ZFYVE9: variants seen among roughly 807,000 people sequenced by gnomAD.
The protein encoded by ZFYVE9 is zinc finger FYVE-type containing 9.
Under a neutral mutation model 126.7 loss-of-function variants are expected in ZFYVE9, and 43 were observed. That is an observed-to-expected ratio of 0.34 (90% CI 0.27 to 0.44). ZFYVE9 has a LOEUF of 0.44. Ranked by LOEUF, ZFYVE9 falls within the 20% of genes least tolerant of loss-of-function variation. The probability of loss-of-function intolerance (pLI) is 1.00; values close to 1 mark genes in which losing one functional copy is unlikely to be tolerated. For synonymous variants in ZFYVE9, 521 were observed against 597.4 expected (o/e 0.87, Z 1.87); for missense variants, 1,476 against 1,697.0 (o/e 0.87, Z 2.29).
At chr1:52,345,636 C>G (rs1646476525) in intron 18 of ZFYVE9, 1 of 155,750 alleles carries the variant, frequency 6.4e-6, no homozygotes, top group African/African-American at 2.4e-5. Context: ...TCTTTGGATC[C>G]CTGCATTTGT....
chr1:52,182,415 T>A (rs1408723548), intron 1 of ZFYVE9, among the ~76,000 whole-genome samples: 1 of 152,056 alleles, frequency 6.6e-6, no homozygotes, highest in Non-Finnish European at 1.5e-5. Flanking sequence ...AGAAAAATTC[T>A]TCTGCCTTGG....
chr1:52,339,013 G>GA (rs560148411), intron 16 of ZFYVE9, among the ~76,000 whole-genome samples: 27 of 148,128 alleles, frequency 1.8e-4, no homozygotes, highest in Non-Finnish European at 2.4e-4. Flanking sequence ...TCTGTCTCAA[G>GA]AAAAAAAAAA....
chr1:52,188,961 G>A (rs1382524296), intron 1 of ZFYVE9, among the ~76,000 whole-genome samples: 1 of 151,804 alleles, frequency 6.6e-6, no homozygotes, highest in Non-Finnish European at 1.5e-5. Context: ...ATTTTGAGAT[G>A]GAGTCTTGCT....
At chr1:52,253,997 A>G in intron 4 of ZFYVE9, 2 of 787,152 alleles carry the variant, frequency 2.5e-6, no homozygotes, top group East Asian at 4.9e-5. Context: ...CCCTTAACTG[A>G]TAATCATAGG....
chr1:52,263,730 C>A, intron 4 of ZFYVE9, 43 bp from the exon 5 acceptor site: 1 of 1,150,766 alleles, frequency 8.7e-7, no homozygotes, highest in East Asian at 2.5e-5. Flanking sequence ...GCATGGCAAT[C>A]CCAAGTAAAT....
intron 1 of ZFYVE9, among the ~76,000 whole-genome samples, chr1:52,177,821 A>T (rs1317138251): frequency 1.3e-5 from 2 of 152,206 alleles, no homozygotes; most frequent in East Asian, 3.8e-4. Flanking sequence ...TAATTGGGGA[A>T]CTGCAAATAG....
In ZFYVE9 at chr1:52,213,884, T is replaced by G. The variant is rs868339132; in HGVS notation, c.-142-2485T>G. Reference sequence around the variant, plus strand: ...CAGCACCTTAGAGAGATTTGTGATATAGAGACTCCAAGGTTCTCTAAGGGC... The same window carrying G: ...CAGCACCTTAGAGAGATTTGTGATAGAGAGACTCCAAGGTTCTCTAAGGGC... On this transcript the variant is annotated intron_variant, in intron 1 of 18. Transcript: ENST00000287727. 9.9e-5 allele frequency among the ~76,000 whole-genome samples: 15 copies of G among 152,092 alleles called. No individual in the cohort carries two copies. In the South Asian group the frequency reaches 2.7e-3, roughly 27 times the overall value.
intron 10 of ZFYVE9, among the ~76,000 whole-genome samples, chr1:52,286,269 T>C (rs1645858135): frequency 6.6e-6 from 1 of 152,208 alleles, no homozygotes; most frequent in Admixed American, 6.5e-5. Context: ...CCTTGAATAC[T>C]GTATTACTAG....
chr1:52,311,073 C>T (rs988070084), intron 13 of ZFYVE9, among the ~76,000 whole-genome samples: 2 of 151,994 alleles, frequency 1.3e-5, no homozygotes, highest in Non-Finnish European at 2.9e-5. Flanking sequence ...ACTGCGTTGC[C>T]CAGGTTGGTC....
chr1:52,252,352 T>C (rs887664898), intron 4 of ZFYVE9: 1 of 137,292 alleles, frequency 7.3e-6, no homozygotes, highest in African/African-American at 2.8e-5. Context: ...TTTTTTTGTT[T>C]TGTTTTGTTT....
chr1:52,336,716 T>G (rs887155703), intron 15 of ZFYVE9, among the ~76,000 whole-genome samples: 2 of 152,120 alleles, frequency 1.3e-5, no homozygotes, highest in African/African-American at 4.8e-5. Context: ...AAAGCCTATA[T>G]GATGAAGTGT....
chr1:52,334,851 GTC>G, intron 15 of ZFYVE9, 83 bp downstream of exon 15: 1 of 1,358,752 alleles, frequency 7.4e-7, no homozygotes, highest in Non-Finnish European at 1.0e-6. Context: ...TGCTGTAGAT[GTC>G]TGACTCCTAC....
intron 13 of ZFYVE9, among the ~76,000 whole-genome samples, chr1:52,327,183 G>A (rs78210563): frequency 0.027 from 4,149 of 152,012 alleles, 131 homozygotes; most frequent in African/African-American, 0.077. Context: ...CAAAAATACT[G>A]TTGGTCTTGC....
At chr1:52,293,424 A>G (rs1384737169) in intron 10 of ZFYVE9, 29 bp from the exon 11 acceptor site, 6 of 1,527,354 alleles carry the variant, frequency 3.9e-6, no homozygotes, top group Non-Finnish European at 1.8e-6. Context: ...TATTGATACA[A>G]AGTAGCTAAT....
chr1:52,312,762 G>A lies in ZFYVE9; in HGVS notation c.3438+8837G>A, dbSNP rs578037106. ...CTATCAGGGGTGTACGGTTCTCCCT[G>A]TTCAAATATAATTTATTATCTTTCA... is the stretch of plus-strand genomic sequence containing the variant. On this transcript the variant is annotated intron_variant, in intron 13 of 18. Coordinates refer to ENST00000287727, the MANE Select transcript of ZFYVE9 (RefSeq NM_004799.4). 5.4e-3 allele frequency among the ~76,000 whole-genome samples: 828 copies of A among 152,278 alleles called. 5 individuals are homozygous for A. Among genetic ancestry groups the A allele is most frequent in the South Asian group, 0.02 (96 of 4,830 alleles).
intron 1 of ZFYVE9, chr1:52,162,551 T>A: frequency 3.9e-6 from 1 of 258,978 alleles, no homozygotes; most frequent in Non-Finnish European, 8.0e-6. Flanking sequence ...ATCCTTGAGA[T>A]CGCCCAGTTT....
intron 12 of ZFYVE9, among the ~76,000 whole-genome samples, chr1:52,298,239 A>G (rs1202266224): frequency 6.6e-6 from 1 of 152,128 alleles, no homozygotes; most frequent in Non-Finnish European, 1.5e-5. Flanking sequence ...CAATATTGTG[A>G]AGCATTTGCC....
chr1:52,311,347 C>T (rs1244770566), intron 13 of ZFYVE9, among the ~76,000 whole-genome samples: 3 of 149,278 alleles, frequency 2.0e-5, no homozygotes, highest in Non-Finnish European at 4.4e-5. Flanking sequence ...TCACTGCAAC[C>T]TTCACCTCCT....
chr1:52,193,901 A>T (rs1644838222), intron 1 of ZFYVE9, among the ~76,000 whole-genome samples: 1 of 152,096 alleles, frequency 6.6e-6, no homozygotes, highest in Non-Finnish European at 1.5e-5. Flanking sequence ...GTAAATGCTT[A>T]TTCGTGCTTT....
Sources: allele counts gnomAD v4.1 joint callset (sites outside exome capture counted in the v4.1 genomes callset), GRCh38; gene constraint gnomAD v4.1.1; transcripts MANE v1.5; gene names NCBI Gene and HGNC (gene_info 2026-07-23, HGNC 2026-07-21).